Variants in SLC24A2 observed in about 807,000 individuals in gnomAD.
SLC24A2 encodes the protein sodium/potassium/calcium exchanger 2.
SLC24A2 carries 36 observed loss-of-function variants against 62.0 expected under a neutral mutation model. That is an observed-to-expected ratio of 0.58 (90% CI 0.44 to 0.77). The LOEUF (loss-of-function observed/expected upper bound fraction) is 0.77. Ranked by LOEUF, SLC24A2 falls within the 30% of genes least tolerant of loss-of-function variation. SLC24A2 has a pLI of 0.00. For missense variants in SLC24A2, 846 were observed against 817.9 expected (o/e 1.03, Z -0.42); for synonymous variants, 358 against 294.0 (o/e 1.22, Z -2.23).
chr9:20,111,984 C>T, the SLC24A2 span, among the ~76,000 whole-genome samples: 9 of 152,168 alleles, frequency 5.9e-5, no homozygotes, highest in East Asian at 9.6e-4. Context: ...AGGAAAACCA[C>T]GCTTCCAGAT....
At chr9:20,135,479 GGTAA>G in the SLC24A2 span, among the ~76,000 whole-genome samples, 1 of 151,910 alleles carries the variant, frequency 6.6e-6, no homozygotes, top group Non-Finnish European at 1.5e-5. Flanking sequence ...CTTATCGTGG[GGTAA>G]GTAATTGCAG....
intron 9 of SLC24A2, 38 bp from the exon 10 acceptor site, chr9:19,521,098 A>T: frequency 6.2e-7 from 1 of 1,604,068 alleles, no homozygotes; most frequent in Non-Finnish European, 8.5e-7. Context: ...TCAGTGTTTG[A>T]AGTTACAAAA....
chr9:19,897,403 A>G, the SLC24A2 span, among the ~76,000 whole-genome samples: 1 of 152,204 alleles, frequency 6.6e-6, no homozygotes, highest in Admixed American at 6.5e-5. Flanking sequence ...GACATGTACT[A>G]AAAGAAGCAC....
chr9:19,954,896 A>T, the SLC24A2 span, among the ~76,000 whole-genome samples: 1 of 152,206 alleles, frequency 6.6e-6, no homozygotes, highest in Non-Finnish European at 1.5e-5. Context: ...CATTTAAATC[A>T]GCAAACTGAC....
chr9:19,903,943 A>C, the SLC24A2 span, among the ~76,000 whole-genome samples: 2 of 152,224 alleles, frequency 1.3e-5, no homozygotes. Context: ...CCTCTCATGC[A>C]CAAAGATTTT....
intron 2 of SLC24A2, among the ~76,000 whole-genome samples, chr9:19,650,426 G>T (rs1818765760): frequency 6.6e-6 from 1 of 152,166 alleles, no homozygotes; most frequent in African/African-American, 2.4e-5. Flanking sequence ...GAACAACCCA[G>T]TGAGTGACCA....
the SLC24A2 span, among the ~76,000 whole-genome samples, chr9:20,001,392 G>T: frequency 1.7e-4 from 26 of 152,300 alleles, no homozygotes; most frequent in Admixed American, 5.9e-4. Flanking sequence ...CTGGAAGGGG[G>T]TTAAGCCTAG....
chr9:19,712,586 G>A (rs892876363), intron 2 of SLC24A2, among the ~76,000 whole-genome samples: 2 of 152,136 alleles, frequency 1.3e-5, no homozygotes, highest in Non-Finnish European at 2.9e-5. Flanking sequence ...TATGTGACCT[G>A]GCCCTGAGCT....
the SLC24A2 span, among the ~76,000 whole-genome samples, chr9:20,221,342 AT>A: frequency 6.6e-6 from 1 of 152,092 alleles, no homozygotes; most frequent in Non-Finnish European, 1.5e-5. Context: ...TTCTGGGCTT[AT>A]TTTTAAGTTA....
the SLC24A2 span, among the ~76,000 whole-genome samples, chr9:19,863,904 G>GT: frequency 6.6e-6 from 1 of 151,752 alleles, no homozygotes; most frequent in Non-Finnish European, 1.5e-5. Context: ...ACAAAAAGTT[G>GT]TTTTTTTAAA....
At chr9:19,838,706 A>T in the SLC24A2 span, among the ~76,000 whole-genome samples, 2 of 151,942 alleles carry the variant, frequency 1.3e-5, no homozygotes, top group African/African-American at 4.8e-5. Flanking sequence ...TCTTTGGTGA[A>T]GTTAATTTCT....
the SLC24A2 span, among the ~76,000 whole-genome samples, chr9:19,945,869 A>G: frequency 1.3e-5 from 2 of 152,212 alleles, no homozygotes; most frequent in African/African-American, 4.8e-5. Context: ...AGGAAACTCC[A>G]TCTTTTCCAA....
At chr9:20,193,433 C>A in the SLC24A2 span, among the ~76,000 whole-genome samples, 1 of 151,934 alleles carries the variant, frequency 6.6e-6, no homozygotes, top group East Asian at 1.9e-4. Context: ...GCTCACACCA[C>A]CCAAAAGAAA....
At chr9:20,104,440 A>T in the SLC24A2 span, among the ~76,000 whole-genome samples, 85 of 152,338 alleles carry the variant, frequency 5.6e-4, no homozygotes, top group Middle Eastern at 6.8e-3. Flanking sequence ...TGTTAAGGGC[A>T]GTCAGAGAGA....
chr9:19,724,226 A>C (rs1276484476), intron 2 of SLC24A2, among the ~76,000 whole-genome samples: 1 of 152,170 alleles, frequency 6.6e-6, no homozygotes, highest in African/African-American at 2.4e-5. Context: ...AGTTTGGTGG[A>C]TACAGAATCA....
chr9:20,270,836 G>T, the SLC24A2 span, among the ~76,000 whole-genome samples: 2 of 152,176 alleles, frequency 1.3e-5, no homozygotes, highest in East Asian at 1.9e-4. Flanking sequence ...TTTGAAAGCT[G>T]ATGTCTTAGA....
chr9:19,913,664 A>G, the SLC24A2 span, among the ~76,000 whole-genome samples: 1 of 152,146 alleles, frequency 6.6e-6, no homozygotes, highest in Non-Finnish European at 1.5e-5. Context: ...ATTGTATTTC[A>G]TGAGATTAAC....
the SLC24A2 span, among the ~76,000 whole-genome samples, chr9:19,822,811 C>T: frequency 6.6e-6 from 1 of 152,172 alleles, no homozygotes; most frequent in Non-Finnish European, 1.5e-5. Context: ...GGAAAGGTAT[C>T]ATCATATCCT....
At chr9:19,875,791 A>G in the SLC24A2 span, among the ~76,000 whole-genome samples, 4 of 152,218 alleles carry the variant, frequency 2.6e-5, no homozygotes, top group Non-Finnish European at 5.9e-5. Flanking sequence ...TGCTTAAAAT[A>G]TGAGAAGAAT....
Sources: gnomAD v4.1 joint callset for allele counts (sites outside exome capture counted in the v4.1 genomes callset) on GRCh38, gnomAD v4.1.1 for gene constraint, MANE v1.5 for transcripts, NCBI Gene and HGNC (gene_info 2026-07-23, HGNC 2026-07-21) for gene names.